Variants in VAV3 observed in about 807,000 individuals in gnomAD.
The protein encoded by VAV3 is vav guanine nucleotide exchange factor 3.
In VAV3, 94 loss-of-function variants were observed where a neutral mutation model predicts 131.2. The ratio of observed to expected loss-of-function variants is 0.72; its 90% CI spans 0.61 to 0.85. VAV3 has a LOEUF of 0.85. VAV3 is among the 40% of genes least tolerant of loss of function. VAV3 has a pLI of 0.00. For synonymous variants in VAV3, 349 were observed against 342.0 expected, an observed-to-expected ratio of 1.02 and a Z score of -0.22; for missense variants, 939 against 1,002.7, an observed-to-expected ratio of 0.94 and a Z score of 0.86.
chr1:107,836,857 C>A (rs987719585), intron 2 of VAV3, among the ~76,000 whole-genome samples: 1 of 151,920 alleles, frequency 6.6e-6, no homozygotes, highest in Non-Finnish European at 1.5e-5. Context: ...CAAGATTGAA[C>A]CAGAAAGAAA....
At chr1:107,757,722 T>C (rs1266242366) in intron 10 of VAV3, among the ~76,000 whole-genome samples, 1 of 152,222 alleles carries the variant, frequency 6.6e-6, no homozygotes. Context: ...GGATGTTCTA[T>C]TTGTTGTTGT....
At chr1:107,888,645 G>A (rs1471419677) in intron 1 of VAV3, among the ~76,000 whole-genome samples, 1 of 152,092 alleles carries the variant, frequency 6.6e-6, no homozygotes, top group East Asian at 1.9e-4. Flanking sequence ...TTTTAGTAGA[G>A]ACAGGGTTTC....
intron 2 of VAV3, among the ~76,000 whole-genome samples, chr1:107,866,327 C>T (rs866327422): frequency 2.6e-5 from 4 of 152,088 alleles, no homozygotes; most frequent in Admixed American, 2.0e-4. Context: ...TGTACAGATT[C>T]GCCACTGGTA....
chr1:107,869,961 C>G (rs1241050873), intron 2 of VAV3, among the ~76,000 whole-genome samples: 1 of 152,186 alleles, frequency 6.6e-6, no homozygotes, highest in Non-Finnish European at 1.5e-5. Context: ...CAGGTTGCTG[C>G]AAATGCCATT....
At chr1:107,630,262 A>G (rs1654355408) in intron 20 of VAV3, among the ~76,000 whole-genome samples, 1 of 152,134 alleles carries the variant, frequency 6.6e-6, no homozygotes, top group Non-Finnish European at 1.5e-5. Flanking sequence ...TTCTCCCAAC[A>G]TGAAACACAG....
At chr1:107,748,557 T>C (rs530854234) in intron 15 of VAV3, among the ~76,000 whole-genome samples, 1 of 152,328 alleles carries the variant, frequency 6.6e-6, no homozygotes, top group South Asian at 2.1e-4. Flanking sequence ...AAAAATAAGA[T>C]ATATGCATTT....
intron 1 of VAV3, among the ~76,000 whole-genome samples, chr1:107,886,731 A>G (rs919469552): frequency 2.0e-5 from 3 of 152,158 alleles, no homozygotes; most frequent in Non-Finnish European, 4.4e-5. Context: ...ACTTCCATCA[A>G]ACTGCTCCAT....
At chr1:107,872,123 C>T (rs1004393314) in intron 2 of VAV3, among the ~76,000 whole-genome samples, 9 of 152,090 alleles carry the variant, frequency 5.9e-5, no homozygotes, top group Admixed American at 1.3e-4. Context: ...AAAAACAGGA[C>T]TGAGAAGCCA....
At chr1:107,725,322 T>A (rs1025685894) in intron 15 of VAV3, among the ~76,000 whole-genome samples, 1 of 152,126 alleles carries the variant, frequency 6.6e-6, no homozygotes, top group South Asian at 2.1e-4. Context: ...ATCCTTAACA[T>A]CATGAATGGT....
intron 25 of VAV3, among the ~76,000 whole-genome samples, chr1:107,575,240 T>C (rs1649562309): frequency 6.6e-6 from 1 of 152,068 alleles, no homozygotes; most frequent in African/African-American, 2.4e-5. Context: ...TCATCGGAGG[T>C]TGGTGAAACT....
chr1:107,907,009 C>T (rs1166299747), intron 1 of VAV3, among the ~76,000 whole-genome samples: 1 of 152,156 alleles, frequency 6.6e-6, no homozygotes, highest in Non-Finnish European at 1.5e-5. Context: ...GGATTAAGGA[C>T]TCTCAATGCA....
chr1:107,918,701 A>AT (rs1396509997), intron 1 of VAV3, among the ~76,000 whole-genome samples: 11 of 79,134 alleles, frequency 1.4e-4, no homozygotes, highest in Middle Eastern at 0.011. Context: ...ATATATATAT[A>AT]TATATTTTTT....
intron 9 of VAV3, 56 bp downstream of exon 9, chr1:107,765,020 C>T (rs7514025): frequency 0.77 from 874,847 of 1,141,160 alleles, 338,182 homozygotes; most frequent in Non-Finnish European, 0.8. Context: ...TAAAGAGGAA[C>T]ACATTGCTTT....
chr1:107,751,340 T>C, intron 12 of VAV3, 138 bp from the exon 13 acceptor site: 1 of 699,956 alleles, frequency 1.4e-6, no homozygotes, highest in Non-Finnish European at 2.3e-6. Context: ...AAAGCATACT[T>C]ACTCTAAAAA....
chr1:107,852,598 G>GT (rs1557882714), intron 2 of VAV3, among the ~76,000 whole-genome samples: 1 of 152,066 alleles, frequency 6.6e-6, no homozygotes, highest in African/African-American at 2.4e-5. Context: ...TGGCTGCAGA[G>GT]TTCTCCATTT....
intron 20 of VAV3, among the ~76,000 whole-genome samples, chr1:107,630,350 G>GATGGATGGATGA (rs947418931): frequency 1.3e-5 from 2 of 151,554 alleles, no homozygotes; most frequent in Non-Finnish European, 2.9e-5. Context: ...TGGATGGGAG[G>GATGGATGGATGA]ATGGATGGAT....
chr1:107,722,841 T>TCTC (rs1553194878), intron 15 of VAV3, among the ~76,000 whole-genome samples: 7 of 3,604 alleles, frequency 1.9e-3, no homozygotes, highest in Non-Finnish European at 2.4e-3. Context: ...TTATCCTCTC[T>TCTC]TTTTTTTTTT....
intron 2 of VAV3, among the ~76,000 whole-genome samples, chr1:107,780,594 C>A (rs920652887): frequency 2.6e-5 from 4 of 152,190 alleles, no homozygotes; most frequent in African/African-American, 7.2e-5. Flanking sequence ...TGGCTCACTA[C>A]AACCTCTGCC....
At chr1:107,921,756 G>C (rs560018104) in intron 1 of VAV3, among the ~76,000 whole-genome samples, 6 of 152,152 alleles carry the variant, frequency 3.9e-5, no homozygotes, top group African/African-American at 1.4e-4. Flanking sequence ...TAGTTCTAAA[G>C]TGAAATTATC....
Sources: gnomAD v4.1 joint callset for allele counts (sites outside exome capture counted in the v4.1 genomes callset) on GRCh38, gnomAD v4.1.1 for gene constraint, MANE v1.5 for transcripts, NCBI Gene and HGNC (gene_info 2026-07-23, HGNC 2026-07-21) for gene names.